The following COBL variants were observed in gnomAD, a reference collection of about 807,000 sequenced individuals.
The protein encoded by COBL is protein cordon-bleu.
Under a neutral mutation model 98.8 loss-of-function variants are expected in COBL, and 51 were observed. The observed-to-expected ratio is 0.52, with a 90% CI of 0.41 to 0.65. The LOEUF (loss-of-function observed/expected upper bound fraction) is 0.65, where lower values mean the gene tolerates loss of function less well. Among genes scored for constraint, COBL ranks in the 30% least tolerant of loss-of-function variants. The pLI is 0.00. For synonymous variants in COBL, 634 were observed against 651.7 expected (o/e 0.97, Z 0.41); for missense variants, 1,617 against 1,617.5 (o/e 1.00, Z 0.01).
At chr7:51,222,757 A>G (rs938077392) in intron 1 of COBL, among the ~76,000 whole-genome samples, 4 of 152,130 alleles carry the variant, frequency 2.6e-5, no homozygotes, top group African/African-American at 9.7e-5. Flanking sequence ...GGAAAAGAGT[A>G]TCTTTTCCAA....
Position 51,027,983 on chromosome 7 carries a change from T to C in COBL, c.3113A>G (p.Asn1038Ser), listed in dbSNP as rs901070611. The stretch of plus-strand genomic sequence containing the variant: ...GTGGCCTGGGGCGCGCACAGAGCCA[T>C]TGACCAGCTCCCTGCTGCAGGCCTG... ...DTQACSRELVNGSVRAPGHGE... is the reference protein window; with the variant it reads ...DTQACSRELVSGSVRAPGHGE... Residue 1038 changes from asparagine (N) to serine (S), a missense_variant, in exon 10 of 13, where the codon AAT (asparagine) becomes AGT (serine). Around this residue, in one of 3 missense-constraint regions of COBL, gnomAD observed 1,304 missense variants for 1,282.0 expected, o/e 1.02. Coordinates refer to ENST00000265136, the MANE Select transcript of COBL (RefSeq NM_015198.5). 1.0e-5 allele frequency: 16 copies of C among 1,605,074 alleles called. No individual in the cohort carries two copies. Among genetic ancestry groups the C allele is most frequent in the African/African-American group, 1.3e-5 (1 of 74,864 alleles).
In COBL at chr7:51,029,637, T is replaced by C. The variant is rs192749584; in HGVS notation, c.1505-46A>G. On this transcript the variant is annotated intron_variant, in intron 9 of 12. Transcript: ENST00000265136. ...AAATCACAGATGTTTCCCACACCAA[T>C]TACTTAGTGTAACTGCAGCCATGAC... 2.0e-4 allele frequency: 289 copies of C among 1,462,932 alleles called. 1 individual carries two copies. The African/African-American group carries it at 3.4e-3, about 17-fold the overall frequency. The allele number at this position is 1,462,932 out of a possible 1,614,324, so 90.6% of individuals were successfully genotyped here.
chr7:51,179,750 C>G (rs1788753933), intron 5 of COBL, among the ~76,000 whole-genome samples: 1 of 152,094 alleles, frequency 6.6e-6, no homozygotes. Flanking sequence ...TTTTGGAGAT[C>G]ATGCCGTTGA....
At chr7:51,023,296 C>G (rs1362730914) in intron 12 of COBL, among the ~76,000 whole-genome samples, 3 of 152,148 alleles carry the variant, frequency 2.0e-5, no homozygotes, top group Admixed American at 1.3e-4. Context: ...AACCAAAGAG[C>G]CTTAAGTAAT....
chr7:51,104,511 C>T (rs1044018259), intron 6 of COBL, among the ~76,000 whole-genome samples: 6 of 152,086 alleles, frequency 3.9e-5, no homozygotes, highest in African/African-American at 9.7e-5. Context: ...ATCTGTAAAA[C>T]GTGGACAAAA....
In COBL at chr7:51,193,569, A is replaced by C; in HGVS notation, c.266T>G (p.Leu89Arg). The C allele has an allele frequency of 6.2e-7, 1 of 1,614,206 alleles. No homozygotes were observed. The highest frequency in any genetic ancestry group is 8.5e-7 in the Non-Finnish European group (1 of 1,180,024). ...GTGGTTCTGAAGGCAAAGTTCAACCAGTAGGTCCATCATCGCATGGCTGAA... is the reference window on the plus strand; with the variant it reads ...GTGGTTCTGAAGGCAAAGTTCAACCCGTAGGTCCATCATCGCATGGCTGAA... ...LNGSHAMMDL[L>R]VELCLQNHLN... Residue 89 changes from leucine (L) to arginine (R), a missense_variant, in exon 3 of 13, where the codon CTG becomes CGG. By Grantham distance (102) the Leu-to-Arg change is moderately radical. Transcript: ENST00000265136.
intron 2 of COBL, among the ~76,000 whole-genome samples, chr7:51,209,572 A>G (rs955675691): frequency 6.6e-6 from 1 of 152,232 alleles, no homozygotes; most frequent in African/African-American, 2.4e-5. Flanking sequence ...TGCAGACACG[A>G]CAGTCCACAG....
At chr7:51,195,671 T>A (rs1208461477) in intron 2 of COBL, among the ~76,000 whole-genome samples, 1 of 152,198 alleles carries the variant, frequency 6.6e-6, no homozygotes, top group Non-Finnish European at 1.5e-5. Context: ...CTGATTTCTT[T>A]GAGCAGTGTT....
intron 5 of COBL, 38 bp from the exon 6 acceptor site, chr7:51,136,369 T>C: frequency 6.3e-7 from 1 of 1,581,644 alleles, no homozygotes. Context: ...CAAATCAGTA[T>C]GAGATGACTT....
At chr7:51,251,850 T>C (rs1478110650) in intron 1 of COBL, among the ~76,000 whole-genome samples, 1 of 152,088 alleles carries the variant, frequency 6.6e-6, no homozygotes, top group Non-Finnish European at 1.5e-5. Flanking sequence ...CTATGCATAC[T>C]TGCATGTGTA....
At position 51,038,195 on chromosome 7, in the gene COBL, C is replaced by T. The variant is rs377569682; in HGVS notation, c.1406+5188G>A. Among the ~76,000 whole-genome samples, 4 of 152,322 alleles carry T rather than the reference C, an allele frequency of 2.6e-5. No homozygotes were observed. The East Asian group carries it at 7.7e-4, about 29-fold the overall frequency. ...CATTCACACTTGCTCTTCTTAGAAG[C>T]ATGGTATTCTTGAGACTCTTCAATT... On this transcript the variant is annotated intron_variant, in intron 8 of 12. Transcript: ENST00000265136.
intron 6 of COBL, among the ~76,000 whole-genome samples, chr7:51,088,021 C>A (rs955410117): frequency 1.3e-5 from 2 of 151,728 alleles, no homozygotes; most frequent in Non-Finnish European, 2.9e-5. Context: ...AGCTGAGACA[C>A]CCGGATCCAG....
Position 51,017,534 on chromosome 7 carries a change from C to A in COBL, c.*17G>T. Reference sequence around the variant, plus strand: ...ATATTACAGGTGGGTTTCTGCAATTCTCTGGCCTCTGTTCATTCACACGAG... The same window carrying A: ...ATATTACAGGTGGGTTTCTGCAATTATCTGGCCTCTGTTCATTCACACGAG... On this transcript the variant is annotated 3_prime_UTR_variant, in exon 13 of 13. Transcript: ENST00000265136. The A allele has an allele frequency of 5.0e-6, 8 of 1,613,906 alleles. No individual in the cohort carries two copies. The Admixed American group carries it at 1.3e-4, about 27-fold the overall frequency.
chr7:51,130,337 T>C (rs1798625504), intron 6 of COBL, among the ~76,000 whole-genome samples: 1 of 152,066 alleles, frequency 6.6e-6, no homozygotes, highest in African/African-American at 2.4e-5. Context: ...CTCTAATTAG[T>C]GTGAAAAGTA....
intron 1 of COBL, among the ~76,000 whole-genome samples, chr7:51,304,179 T>G (rs906080674): frequency 3.9e-5 from 6 of 152,134 alleles, no homozygotes; most frequent in African/African-American, 1.4e-4. Context: ...GGAATCGTGG[T>G]CTCGCCCTCA....
At chr7:51,036,944 G>T (rs1003499923) in intron 8 of COBL, among the ~76,000 whole-genome samples, 6 of 152,128 alleles carry the variant, frequency 3.9e-5, no homozygotes, top group Non-Finnish European at 7.4e-5. Context: ...GATATTGCCT[G>T]GTTATAGCAA....
chr7:51,122,123 G>A (rs1056835247), intron 6 of COBL, among the ~76,000 whole-genome samples: 3 of 152,194 alleles, frequency 2.0e-5, no homozygotes, highest in Admixed American at 2.0e-4. Context: ...ACACTCTAGT[G>A]AGTGTTAAAA....
At chr7:51,133,026 T>G (rs1020312378) in intron 6 of COBL, among the ~76,000 whole-genome samples, 7 of 152,016 alleles carry the variant, frequency 4.6e-5, no homozygotes, top group African/African-American at 1.7e-4. Context: ...CCAAACCATA[T>G]CACTCAGTAT....
chr7:51,284,047 A>G (rs1800053297), intron 1 of COBL, among the ~76,000 whole-genome samples: 1 of 147,030 alleles, frequency 6.8e-6, no homozygotes. Flanking sequence ...GCACTTTGGG[A>G]GGCCAAGGTG....
Sources: allele counts gnomAD v4.1 joint callset (sites outside exome capture counted in the v4.1 genomes callset), GRCh38; gene constraint gnomAD v4.1.1; regional missense constraint gnomAD v4.1.1; transcripts MANE v1.5; gene names NCBI Gene and HGNC (gene_info 2026-07-23, HGNC 2026-07-21).